The following INTS9 variants were observed in gnomAD, a reference collection of about 807,000 sequenced individuals.
INTS9 encodes the protein integrator complex subunit 9.
Under a neutral mutation model 79.7 loss-of-function variants are expected in INTS9, and 55 were observed. The observed-to-expected ratio is 0.69, with a 90% CI of 0.56 to 0.86. INTS9 has a LOEUF of 0.86. INTS9 is among the 40% of genes least tolerant of loss of function. The pLI, the probability that INTS9 is intolerant of heterozygous loss-of-function variation, is 0.00. For synonymous variants in INTS9, 319 were observed against 325.2 expected (o/e 0.98, Z 0.20); for missense variants, 721 against 831.5 (o/e 0.87, Z 1.64).
chr8:28,889,631 C>G (rs1389705345), intron 1 of INTS9, among the ~76,000 whole-genome samples: 1 of 152,142 alleles, frequency 6.6e-6, no homozygotes, highest in East Asian at 1.9e-4. Context: ...GACAGTCAAC[C>G]TCTTGTCTGA....
intron 12 of INTS9, among the ~76,000 whole-genome samples, chr8:28,780,141 G>A (rs1803162717): frequency 7.5e-6 from 1 of 132,872 alleles, no homozygotes; most frequent in Admixed American, 8.4e-5. Context: ...GGGTGTCCAA[G>A]CTTTTGGCTT....
chr8:28,788,141 A>C (rs1313745020), intron 10 of INTS9, among the ~76,000 whole-genome samples: 2 of 152,252 alleles, frequency 1.3e-5, no homozygotes. Context: ...TTTAGATTTA[A>C]AGAAAAGCTG....
chr8:28,791,880 G>GTC (rs1368987450), intron 10 of INTS9, among the ~76,000 whole-genome samples: 1 of 152,178 alleles, frequency 6.6e-6, no homozygotes, highest in Non-Finnish European at 1.5e-5. Context: ...CACATCCCAT[G>GTC]TCTCAGCATG....
intron 1 of INTS9, among the ~76,000 whole-genome samples, chr8:28,880,238 C>T (rs567270689): frequency 2.4e-5 from 2 of 84,472 alleles, no homozygotes; most frequent in African/African-American, 7.1e-5. Context: ...CTCCCTCTCC[C>T]TCTCCCTCTC....
chr8:28,886,096 T>C lies in INTS9; in HGVS notation c.9+3778A>G, dbSNP rs549988871. 1.1e-4 allele frequency among the ~76,000 whole-genome samples: 16 copies of C among 152,288 alleles called. 1 individual carries two copies. In the South Asian group the frequency reaches 3.3e-3, roughly 32 times the overall value. ...AGGGTGATGTGCAAAGTTAGAGAAT[T>C]ATAAATGGTATCACAGGAGCTAAAT... On this transcript the variant is annotated intron_variant, in intron 1 of 16. Coordinates refer to ENST00000521022, the MANE Select transcript of INTS9 (RefSeq NM_018250.4).
chr8:28,781,332 A>G lies in INTS9; in HGVS notation c.1099-338T>C, dbSNP rs531224498. ...GGAAACTGCAAATTAAAATGATGAG[A>G]TACCACTATACACCTGTTATAATAA... On this transcript the variant is annotated intron_variant, in intron 11 of 16. Coordinates refer to ENST00000521022, the MANE Select transcript of INTS9 (RefSeq NM_018250.4). 2.8e-4 allele frequency among the ~76,000 whole-genome samples: 42 copies of G among 152,372 alleles called. 1 individual carries two copies. Among genetic ancestry groups the G allele is most frequent in the East Asian group, 2.7e-3 (14 of 5,184 alleles).
At chr8:28,796,996 A>C (rs1804258284) in intron 8 of INTS9, 1 of 194,016 alleles carries the variant, frequency 5.2e-6, no homozygotes, top group African/African-American at 2.3e-5. Flanking sequence ...GTATTTCTGT[A>C]ATGCTTTCTT....
intron 6 of INTS9, among the ~76,000 whole-genome samples, chr8:28,823,130 A>G (rs1202152823): frequency 6.6e-6 from 1 of 152,136 alleles, no homozygotes; most frequent in Non-Finnish European, 1.5e-5. Context: ...TTGTCAGAAT[A>G]CCTATGGAGA....
intron 1 of INTS9, among the ~76,000 whole-genome samples, chr8:28,860,852 C>T (rs1000590669): frequency 6.6e-6 from 1 of 152,224 alleles, no homozygotes; most frequent in African/African-American, 2.4e-5. Flanking sequence ...CCCATATGGC[C>T]TCAGTCACTT....
chr8:28,851,469 A>G (rs538499907), intron 2 of INTS9, among the ~76,000 whole-genome samples: 9 of 151,504 alleles, frequency 5.9e-5, no homozygotes, highest in Admixed American at 3.9e-4. Flanking sequence ...ACAGAGTCTC[A>G]CTCTGTCGCC....
In INTS9 at chr8:28,837,792, G is replaced by C; in HGVS notation, c.262-16C>G. 6.2e-7 allele frequency: 1 copy of C among 1,611,024 alleles called. No individual in the cohort carries two copies. Among genetic ancestry groups the C allele is most frequent in the African/African-American group, 1.3e-5 (1 of 74,988 alleles). On this transcript the variant is annotated splice_polypyrimidine_tract_variant and intron_variant, in intron 4 of 16. Transcript: ENST00000521022. ...TTAGCTCCGTCTGAAAAGAAAGGGA[G>C]GGAATGATATATATCTGTTCAGGGA...
At chr8:28,780,306 A>G in intron 12 of INTS9, 1 of 882,976 alleles carries the variant, frequency 1.1e-6, no homozygotes, top group Non-Finnish European at 1.4e-6. Context: ...TATCACAGAT[A>G]AGCAAAAAAG....
intron 11 of INTS9, among the ~76,000 whole-genome samples, chr8:28,786,450 C>A (rs886837733): frequency 6.6e-6 from 1 of 152,090 alleles, no homozygotes; most frequent in Non-Finnish European, 1.5e-5. Flanking sequence ...GCCACCACAC[C>A]GGGCTAATTT....
At chr8:28,878,517 T>A (rs1417104856) in intron 1 of INTS9, among the ~76,000 whole-genome samples, 6 of 151,524 alleles carry the variant, frequency 4.0e-5, no homozygotes, top group Admixed American at 3.3e-4. Context: ...AGACAGGGTC[T>A]GACTGTGTTG....
At chr8:28,822,145 T>C (rs989414465) in intron 6 of INTS9, among the ~76,000 whole-genome samples, 3 of 151,964 alleles carry the variant, frequency 2.0e-5, no homozygotes, top group Non-Finnish European at 4.4e-5. Context: ...GAAACACTGA[T>C]AGAAAGCTTG....
intron 5 of INTS9, among the ~76,000 whole-genome samples, chr8:28,836,279 T>A (rs942290607): frequency 2.0e-5 from 3 of 152,152 alleles, no homozygotes; most frequent in African/African-American, 4.8e-5. Flanking sequence ...GGATGAGGAA[T>A]CTAAGAAATG....
intron 11 of INTS9, among the ~76,000 whole-genome samples, chr8:28,786,182 T>C (rs1056116869): frequency 2.0e-5 from 3 of 152,226 alleles, no homozygotes; most frequent in African/African-American, 7.2e-5. Context: ...TGGAGCTTAT[T>C]TGTTCACAGT....
chr8:28,819,071 C>T (rs1805673080), intron 6 of INTS9, among the ~76,000 whole-genome samples: 1 of 152,156 alleles, frequency 6.6e-6, no homozygotes, highest in Non-Finnish European at 1.5e-5. Flanking sequence ...TGCTAGCAGT[C>T]TATCAATTTT....
intron 12 of INTS9, among the ~76,000 whole-genome samples, chr8:28,779,126 G>A (rs1803084767): frequency 6.6e-6 from 1 of 152,118 alleles, no homozygotes; most frequent in Non-Finnish European, 1.5e-5. Context: ...CAAATGTCGA[G>A]TCACCACTCA....
Sources: gnomAD v4.1 joint callset for allele counts (sites outside exome capture counted in the v4.1 genomes callset) on GRCh38, gnomAD v4.1.1 for gene constraint, MANE v1.5 for transcripts, NCBI Gene and HGNC (gene_info 2026-07-23, HGNC 2026-07-21) for gene names.